TENM4: variants seen among roughly 807,000 people sequenced by gnomAD.
TENM4 encodes teneurin-4.
A neutral mutation model predicts 243.3 loss-of-function variants in TENM4; 82 were observed. The ratio of observed to expected loss-of-function variants is 0.34; its 90% CI spans 0.28 to 0.40. TENM4 has a LOEUF of 0.40. Among genes scored for constraint, TENM4 ranks in the 10% least tolerant of loss-of-function variants. TENM4 has a pLI of 1.00. For missense variants in TENM4, 3,138 were observed against 3,673.3 expected (o/e 0.85, Z 3.77); for synonymous variants, 1,412 against 1,456.3 (o/e 0.97, Z 0.69).
chr11:78,707,118 C>G (rs1296605743), intron 27 of TENM4, among the ~76,000 whole-genome samples: 2 of 152,158 alleles, frequency 1.3e-5, no homozygotes, highest in Non-Finnish European at 2.9e-5. Flanking sequence ...AAGCAGGTGA[C>G]ACAGTCAGTG....
At chr11:78,995,046 T>C (rs1858137809) in intron 6 of TENM4, among the ~76,000 whole-genome samples, 1 of 152,204 alleles carries the variant, frequency 6.6e-6, no homozygotes, top group African/African-American at 2.4e-5. Flanking sequence ...GACAAAGTTA[T>C]GCCAAGAGTG....
chr11:79,170,934 G>A (rs1427952624), intron 3 of TENM4, among the ~76,000 whole-genome samples: 1 of 152,156 alleles, frequency 6.6e-6, no homozygotes. Context: ...GGGATCATAA[G>A]AGAACCATCT....
intron 1 of TENM4, among the ~76,000 whole-genome samples, chr11:79,396,140 C>G (rs1858339343): frequency 6.6e-6 from 1 of 152,178 alleles, no homozygotes. Context: ...TTTTAAGACT[C>G]AGATGAAAGC....
At chr11:78,671,635 T>TC (rs1267477966) in intron 31 of TENM4, among the ~76,000 whole-genome samples, 1 of 152,206 alleles carries the variant, frequency 6.6e-6, no homozygotes, top group African/African-American at 2.4e-5. Flanking sequence ...CACTTGAAGC[T>TC]CAGGAGTAAG....
chr11:78,942,923 T>C (rs762196177), intron 6 of TENM4, among the ~76,000 whole-genome samples: 6 of 152,150 alleles, frequency 3.9e-5, no homozygotes, highest in Middle Eastern at 3.4e-3. Flanking sequence ...CTCCAAAGCC[T>C]GTGCCCTTCC....
chr11:78,699,700 A>G (rs912599875), intron 28 of TENM4, among the ~76,000 whole-genome samples: 3 of 152,210 alleles, frequency 2.0e-5, no homozygotes, highest in Non-Finnish European at 2.9e-5. Context: ...ATAGCTGTAT[A>G]TTTCATCAAG....
chr11:79,067,059 C>G (rs1412933441), intron 5 of TENM4, among the ~76,000 whole-genome samples: 3 of 152,188 alleles, frequency 2.0e-5, no homozygotes, highest in African/African-American at 7.2e-5. Context: ...CTGGCTGTTC[C>G]AGCCCCTTCC....
chr11:79,409,042 T>C (rs542520068), intron 1 of TENM4, among the ~76,000 whole-genome samples: 24 of 151,402 alleles, frequency 1.6e-4, no homozygotes, highest in Non-Finnish European at 2.7e-4. Context: ...TTATAAAGTG[T>C]TGTCTATGAG....
intron 2 of TENM4, among the ~76,000 whole-genome samples, chr11:79,228,746 C>A (rs1471810769): frequency 6.6e-6 from 1 of 151,982 alleles, no homozygotes; most frequent in East Asian, 1.9e-4. Flanking sequence ...AATTTTAAAC[C>A]AGTTAGAGAT....
intron 13 of TENM4, among the ~76,000 whole-genome samples, chr11:78,813,160 G>T (rs184562609): frequency 1.4e-4 from 22 of 152,276 alleles, no homozygotes; most frequent in African/African-American, 5.3e-4. Context: ...TGCTAGCTTT[G>T]CTGCCTCAAA....
At position 78,891,213 on chromosome 11, in the gene TENM4, A is replaced by T. The variant is rs1000813169; in HGVS notation, c.848+25T>A. ...GGAGCCACAAGGAGAGCACACACAG[A>T]GAGGAGAATGGGGATGTCACCTACC... On this transcript the variant is annotated intron_variant, in intron 8 of 33. Transcript: ENST00000278550. 7.7e-6 allele frequency: 12 copies of T among 1,548,684 alleles called. No homozygotes were observed. The African/African-American group carries it at 1.6e-4, about 21-fold the overall frequency.
intron 19 of TENM4, among the ~76,000 whole-genome samples, chr11:78,753,245 A>G (rs1290905835): frequency 6.6e-6 from 1 of 152,150 alleles, no homozygotes; most frequent in Admixed American, 6.5e-5. Flanking sequence ...CAGGTGCTTT[A>G]TTTTAGTTTA....
At chr11:78,686,136 G>A (rs1053505958) in intron 29 of TENM4, among the ~76,000 whole-genome samples, 1 of 152,216 alleles carries the variant, frequency 6.6e-6, no homozygotes, top group Admixed American at 6.5e-5. Flanking sequence ...GCTGCACAGA[G>A]AGGCCAAGAA....
chr11:79,244,976 G>T (rs532992904), intron 2 of TENM4, among the ~76,000 whole-genome samples: 1 of 152,256 alleles, frequency 6.6e-6, no homozygotes, highest in East Asian at 1.9e-4. Flanking sequence ...GGATTTAGAG[G>T]TTACCTCCTT....
chr11:79,297,096 T>C (rs1404064345), intron 2 of TENM4, among the ~76,000 whole-genome samples: 3 of 152,226 alleles, frequency 2.0e-5, no homozygotes, highest in Non-Finnish European at 4.4e-5. Context: ...TTGACCACAC[T>C]AGTCCAGAGC....
chr11:78,784,737 A>G (rs1856900208), intron 16 of TENM4, among the ~76,000 whole-genome samples: 1 of 152,226 alleles, frequency 6.6e-6, no homozygotes, highest in Non-Finnish European at 1.5e-5. Context: ...AAGAGCGACA[A>G]CAGAGCATAC....
intron 6 of TENM4, among the ~76,000 whole-genome samples, chr11:78,906,515 G>A (rs545224949): frequency 3.3e-5 from 5 of 152,292 alleles, no homozygotes; most frequent in African/African-American, 1.2e-4. Context: ...CAAAAGTCCT[G>A]CAATGATGAA....
chr11:78,868,155 T>C (rs1025446500), intron 9 of TENM4, among the ~76,000 whole-genome samples: 2 of 150,554 alleles, frequency 1.3e-5, no homozygotes, highest in African/African-American at 2.5e-5. Flanking sequence ...TGAAACAATA[T>C]AAATTATAAT....
At chr11:79,009,850 A>T (rs1159108557) in intron 6 of TENM4, among the ~76,000 whole-genome samples, 2 of 152,070 alleles carry the variant, frequency 1.3e-5, no homozygotes, top group Non-Finnish European at 2.9e-5. Context: ...TCCCCACCCA[A>T]ATCTCACCTT....
Sources: allele counts gnomAD v4.1 joint callset (sites outside exome capture counted in the v4.1 genomes callset), GRCh38; gene constraint gnomAD v4.1.1; transcripts MANE v1.5; gene names NCBI Gene and HGNC (gene_info 2026-07-23, HGNC 2026-07-21).